Variants in LTN1 observed in about 807,000 individuals in gnomAD.
LTN1 encodes listerin E3 ubiquitin protein ligase 1, also known as E3 ubiquitin-protein ligase listerin.
LTN1 carries 88 observed loss-of-function variants against 201.2 expected under a neutral mutation model. The ratio of observed to expected loss-of-function variants is 0.44; its 90% CI spans 0.37 to 0.52. The LOEUF (loss-of-function observed/expected upper bound fraction) is 0.52, where lower values mean the gene tolerates loss of function less well. LTN1 is among the 20% of genes least tolerant of loss of function. LTN1 has a pLI of 0.00. For synonymous variants in LTN1, 645 were observed against 713.5 expected (o/e 0.90, Z 1.53); for missense variants, 1,752 against 2,038.7 (o/e 0.86, Z 2.71).
intron 4 of LTN1, 112 bp from the exon 5 acceptor site, chr21:28,982,480 T>C (rs1448148953): frequency 2.6e-6 from 2 of 770,028 alleles, no homozygotes; most frequent in East Asian, 5.1e-5. Context: ...AAACATCATC[T>C]TACCTAAGAG....
chr21:28,959,710 A>G lies in LTN1; in HGVS notation c.2354-13T>C. On this transcript the variant is annotated splice_polypyrimidine_tract_variant and intron_variant, in intron 12 of 29. Transcript: ENST00000361371. ...CCAATCAAGTAATCTGGAGAAAAAA[A>G]GGTTCAAACAGACAAAAAATAAAAA... 1 of 1,558,268 alleles carries G rather than the reference A, an allele frequency of 6.4e-7. No individual in the cohort carries two copies. Among genetic ancestry groups the G allele is most frequent in the Non-Finnish European group, 8.7e-7 (1 of 1,155,100 alleles).
chr21:28,938,830 C>T (rs1371441446), intron 25 of LTN1, among the ~76,000 whole-genome samples: 1 of 152,048 alleles, frequency 6.6e-6, no homozygotes, highest in Admixed American at 6.6e-5. Context: ...CACAAAAGAC[C>T]AGATATGTGA....
intron 25 of LTN1, among the ~76,000 whole-genome samples, chr21:28,938,364 G>C (rs2084272356): frequency 6.6e-6 from 1 of 152,080 alleles, no homozygotes; most frequent in African/African-American, 2.4e-5. Flanking sequence ...AGTAAATACA[G>C]AGAAAGTATG....
In LTN1 at chr21:28,931,255, T is replaced by A; in HGVS notation, c.5138A>T (p.Glu1713Val). 6.2e-7 allele frequency: 1 copy of A among 1,613,194 alleles called. No individual in the cohort carries two copies. Among genetic ancestry groups the A allele is most frequent in the Non-Finnish European group, 8.5e-7 (1 of 1,179,272 alleles). Residue 1713 changes from glutamate to valine, a missense_variant, in exon 29 of 30, where the codon GAA becomes GTA. Transcript: ENST00000361371. The part of the protein sequence containing the change: ...NNVDKRFEGV[E>V]DCMICFSVIH... Reference sequence around the variant, plus strand: ...GACTGAGAAACAGATCATGCAATCTTCAACACCCTCAAAACGTTTGTCTAC... The same window carrying A: ...GACTGAGAAACAGATCATGCAATCTACAACACCCTCAAAACGTTTGTCTAC...
intron 23 of LTN1, 137 bp downstream of exon 23, chr21:28,943,530 C>T (rs2084313397): frequency 4.1e-6 from 3 of 723,502 alleles, no homozygotes; most frequent in Non-Finnish European, 4.6e-6. Flanking sequence ...GATGAGGCAA[C>T]TTAGGGTCCC....
chr21:28,952,618 A>G (rs1238812625), intron 17 of LTN1, among the ~76,000 whole-genome samples: 1 of 152,218 alleles, frequency 6.6e-6, no homozygotes. Context: ...AAGTTGAACA[A>G]TCAAAGAGGT....
chr21:28,966,258 T>C (rs1335721389), intron 10 of LTN1, 112 bp downstream of exon 10: 6 of 877,758 alleles, frequency 6.8e-6, no homozygotes, highest in South Asian at 1.8e-5. Flanking sequence ...AAGAATATAT[T>C]GCTTGTCCTA....
rs1489934779 is a variant in LTN1 at position 28,935,300 on chromosome 21, G to GTGGAA, written c.4679_4683dup (p.His1562PhefsTer11). 1 of 1,613,772 alleles carries GTGGAA rather than the reference G, an allele frequency of 6.2e-7. No individual in the cohort carries two copies. Among genetic ancestry groups the GTGGAA allele is most frequent in the Non-Finnish European group, 8.5e-7 (1 of 1,179,722 alleles). ...ATATGATAGACTGAACAAGCCAAGTGTGGAATGTGGTATGGAAGCATTGTT... is the reference window on the plus strand; with the variant it reads ...ATATGATAGACTGAACAAGCCAAGTGTGGAATGGAATGTGGTATGGAAGCATTGTT... On this transcript the variant is annotated frameshift_variant, in exon 27 of 30. Transcript: ENST00000361371. LOFTEE classifies it high-confidence loss of function.
At chr21:28,936,393 A>C in intron 26 of LTN1, 133 bp downstream of exon 26, 1 of 594,642 alleles carries the variant, frequency 1.7e-6, no homozygotes, top group South Asian at 4.0e-5. Flanking sequence ...AAATATGGAA[A>C]ATGGTCAATT....
In LTN1 at chr21:28,935,442, T is replaced by C. The variant is rs374303957; in HGVS notation, c.4655-113A>G. ...CCTTAATTTCTCAACAATAGTGCTATAGCTCATAAAAACAAACATACCAGA... is the reference window on the plus strand; with the variant it reads ...CCTTAATTTCTCAACAATAGTGCTACAGCTCATAAAAACAAACATACCAGA... On this transcript the variant is annotated intron_variant, in intron 26 of 29. Coordinates refer to ENST00000361371, the MANE Select transcript of LTN1 (RefSeq NM_015565.3). 1.5e-5 allele frequency: 10 copies of C among 674,128 alleles called. No individual in the cohort carries two copies. In the East Asian group the frequency reaches 2.2e-4, roughly 15 times the overall value. The allele number at this position is 674,128 out of a possible 1,614,324, so 41.8% of individuals were successfully genotyped here.
intron 25 of LTN1, 114 bp downstream of exon 25, chr21:28,941,106 G>T (rs1273584968): frequency 2.8e-6 from 2 of 716,272 alleles, no homozygotes; most frequent in Non-Finnish European, 4.5e-6. Context: ...AATTTTAAAA[G>T]ATGAGATTAA....
intron 29 of LTN1, 43 bp downstream of exon 29, chr21:28,931,112 A>C: frequency 7.6e-7 from 1 of 1,318,042 alleles, no homozygotes; most frequent in South Asian, 1.2e-5. Context: ...TATGTGTATA[A>C]AATACATAAA....
At position 28,967,063 on chromosome 21, in the gene LTN1, A is replaced by T; in HGVS notation, c.1428T>A (p.Asp476Glu). Reference protein sequence around the residue: ...SWEAKADTEKDEKTAHNLENV... With the variant: ...SWEAKADTEKEEKTAHNLENV... ...TCTCCAAGTTGTGAGCTGTTTTTTC[A>T]TCTTTTTCCGTGTCTGCTTTGGCTT... Residue 476 changes from aspartate (D) to glutamate (E), a missense_variant, in exon 10 of 30, where the codon GAT becomes GAA. This residue lies in a region of LTN1 where 1,211 missense variants were observed against 1,312.8 expected (regional missense o/e 0.92). Coordinates refer to ENST00000361371, the MANE Select transcript of LTN1 (RefSeq NM_015565.3). 6.2e-7 allele frequency: 1 copy of T among 1,614,082 alleles called. No individual in the cohort carries two copies. The highest frequency in any genetic ancestry group is 8.5e-7 in the Non-Finnish European group (1 of 1,180,012).
chr21:28,963,305 C>T (rs923071550), intron 11 of LTN1, among the ~76,000 whole-genome samples: 2 of 152,180 alleles, frequency 1.3e-5, no homozygotes, highest in Non-Finnish European at 2.9e-5. Flanking sequence ...TCGTTAGGGG[C>T]TAATATAGCT....
intron 14 of LTN1, 126 bp from the exon 15 acceptor site, chr21:28,957,602 T>C (rs992722502): frequency 3.8e-6 from 2 of 526,354 alleles, no homozygotes; most frequent in African/African-American, 3.9e-5. Context: ...TAAAAAGAGG[T>C]AAGTGACATT....
chr21:28,974,429 CA>C (rs1254559325), intron 6 of LTN1, among the ~76,000 whole-genome samples: 1 of 152,104 alleles, frequency 6.6e-6, no homozygotes, highest in Admixed American at 6.6e-5. Flanking sequence ...AAAACACACA[CA>C]AAAAACAACT....
At position 28,980,293 on chromosome 21, in the gene LTN1, G is replaced by A. The variant is rs188347090; in HGVS notation, c.810+826C>T. 3.3e-5 allele frequency among the ~76,000 whole-genome samples: 5 copies of A among 149,984 alleles called. No homozygotes were observed. In the East Asian group the frequency reaches 9.9e-4, roughly 30 times the overall value. On this transcript the variant is annotated intron_variant, in intron 6 of 29. Transcript: ENST00000361371. The stretch of plus-strand genomic sequence containing the variant: ...TTAGATACGCTTTATCCAGGCATGA[G>A]TTTTAGTGCTGTTGGCCGTGAGTTC...
chr21:28,960,754 C>G, intron 11 of LTN1, 48 bp from the exon 12 acceptor site: 1 of 1,289,036 alleles, frequency 7.8e-7, no homozygotes, highest in Non-Finnish European at 1.1e-6. Context: ...ATCAAATACT[C>G]TCTCTGTCCA....
chr21:28,948,443 T>C (rs1337639449), intron 18 of LTN1, among the ~76,000 whole-genome samples: 1 of 151,416 alleles, frequency 6.6e-6, no homozygotes, highest in African/African-American at 2.4e-5. Flanking sequence ...CTAACTTTTT[T>C]TTTTCATTTA....
Sources: gnomAD v4.1 joint callset for allele counts (sites outside exome capture counted in the v4.1 genomes callset) on GRCh38, gnomAD v4.1.1 for gene constraint, gnomAD v4.1.1 regional missense constraint, MANE v1.5 for transcripts, NCBI Gene and HGNC (gene_info 2026-07-23, HGNC 2026-07-21) for gene names.